ADAM15: variants seen among roughly 807,000 people sequenced by gnomAD.
ADAM15 encodes the protein disintegrin and metalloproteinase domain-containing protein 15.
Under a neutral mutation model 113.8 loss-of-function variants are expected in ADAM15, and 77 were observed. That is an observed-to-expected ratio of 0.68 (90% CI 0.56 to 0.82). The LOEUF (loss-of-function observed/expected upper bound fraction) is 0.82, where lower values mean the gene tolerates loss of function less well. ADAM15 is among the 40% of genes least tolerant of loss of function. The pLI, the probability that ADAM15 is intolerant of heterozygous loss-of-function variation, is 0.00. For missense variants in ADAM15, 963 were observed against 1,120.1 expected, an observed-to-expected ratio of 0.86 and a Z score of 2.00; for synonymous variants, 388 against 454.1, an observed-to-expected ratio of 0.85 and a Z score of 1.85.
chr1:155,058,506 C>T lies in ADAM15; in HGVS notation c.1917+65C>T. The T allele has an allele frequency of 6.3e-7, 1 of 1,580,574 alleles. No individual in the cohort carries two copies. The highest frequency in any genetic ancestry group is 8.6e-7 in the Non-Finnish European group (1 of 1,167,710). ...ACATTTGGACCACAATGAACAGAGC[C>T]CAGACTTCACCATTCACCAATGTCA... is the stretch of plus-strand genomic sequence containing the variant. On this transcript the variant is annotated intron_variant, in intron 15 of 22. Coordinates refer to ENST00000356955, the MANE Select transcript of ADAM15 (RefSeq NM_207197.3). This position sits in a 1 kb window ranked among gnomAD's most constrained non-coding sequence, Gnocchi z 4.3.
Position 155,054,301 on chromosome 1 carries a change from T to C in ADAM15, c.420-13T>C, listed in dbSNP as rs2102393193. 1 of 1,582,678 alleles carries C rather than the reference T, an allele frequency of 6.3e-7. No homozygotes were observed. Among genetic ancestry groups the C allele is most frequent in the Non-Finnish European group, 8.6e-7 (1 of 1,166,082 alleles). On this transcript the variant is annotated splice_polypyrimidine_tract_variant and intron_variant, in intron 5 of 22. Coordinates refer to ENST00000356955, the MANE Select transcript of ADAM15 (RefSeq NM_207197.3). ...ATGGAGCTGAAATGTTCTCTGACTT[T>C]CTTTTTTCTTAGAGGCTTGGTGGTC...
Position 155,052,510 on chromosome 1 carries a change from C to A in ADAM15, c.80-161C>A, listed in dbSNP as rs746649043. Reference sequence around the variant, plus strand: ...CCATAAATTAGAGAGACACCCTCTCCTTCCAGTATTCTTCTTTAAGTCTCA... The same window carrying A: ...CCATAAATTAGAGAGACACCCTCTCATTCCAGTATTCTTCTTTAAGTCTCA... On this transcript the variant is annotated intron_variant, in intron 1 of 22. Coordinates refer to ENST00000356955, the MANE Select transcript of ADAM15 (RefSeq NM_207197.3). The A allele has an allele frequency of 1.6e-5, 24 of 1,541,976 alleles. No individual in the cohort carries two copies. The African/African-American group carries it at 3.0e-4, about 19-fold the overall frequency.
At chr1:155,052,564 C>T in intron 1 of ADAM15, 107 bp from the exon 2 acceptor site, 1 of 1,550,996 alleles carries the variant, frequency 6.4e-7, no homozygotes, top group South Asian at 1.2e-5. Context: ...CCTCAGGTAC[C>T]TAAGGGTCTT....
At chr1:155,059,359 A>C (rs147744447) in intron 16 of ADAM15, among the ~76,000 whole-genome samples, 1,885 of 152,134 alleles carry the variant, frequency 0.012, 38 homozygotes, top group African/African-American at 0.043. Flanking sequence ...GAGCCACTGC[A>C]CCCAGCCAAA....
Position 155,058,007 on chromosome 1 carries a change from G to A in ADAM15, c.1573G>A (p.Ala525Thr), listed in dbSNP as rs777464399. 1 of 1,613,750 alleles carries A rather than the reference G, an allele frequency of 6.2e-7. No homozygotes were observed. Among genetic ancestry groups the A allele is most frequent in the Non-Finnish European group, 8.5e-7 (1 of 1,180,040 alleles). The change falls in exon 14 of 23, where the codon GCC becomes ACC. Residue 525 changes from alanine (A) to threonine (T), a missense_variant. Coordinates refer to ENST00000356955, the MANE Select transcript of ADAM15 (RefSeq NM_207197.3). The surrounding 1 kb of genome is among the most constrained non-coding windows in gnomAD (Gnocchi z 4.3). Reference sequence around the variant, plus strand: ...AGCTGTGTGCATGCACGGGCGTTGTGCCTCCTATGCCCAGCAGTGCCAGTC... The same window carrying A: ...AGCTGTGTGCATGCACGGGCGTTGTACCTCCTATGCCCAGCAGTGCCAGTC... ...GQAVCMHGRC[A>T]SYAQQCQSLW...
At chr1:155,052,456 G>T in intron 1 of ADAM15, 1 of 1,507,648 alleles carries the variant, frequency 6.6e-7, no homozygotes, top group Non-Finnish European at 8.9e-7. Flanking sequence ...CTTTCTTGGG[G>T]ACTTGTGAAT....
rs184290327 is a variant in ADAM15, at chr1:155,052,072, G to A, written c.80-599G>A. On this transcript the variant is annotated intron_variant, in intron 1 of 22. Coordinates refer to ENST00000356955, the MANE Select transcript of ADAM15 (RefSeq NM_207197.3). The stretch of plus-strand genomic sequence containing the variant: ...TCACTTCCCGCTGCTGTCTTGGGCC[G>A]GGACCGAGAGGGCAGGCGCGGGTGG... 5.8e-3 allele frequency: 979 copies of A among 168,402 alleles called. 8 individuals carry two copies. The highest frequency in any genetic ancestry group is 0.022 in the African/African-American group (923 of 41,850). 10.4% of individuals were successfully genotyped at this position (168,402 alleles called of 1,614,324 possible). A position where few individuals can be genotyped will look rare whatever the true frequency, so the allele number is the denominator to read the frequency against.
chr1:155,051,454 T>C lies in ADAM15; in HGVS notation c.68T>C (p.Leu23Pro). The stretch of plus-strand genomic sequence containing the variant: ...GGCAGCCCTCTGCCTTCCTGGCCGC[T>C]CCCAAATATAGGTGAGTCCTCCGCC... ...GAGSPLPSWP[L>P]PNIGGTEEQQ... is the part of the protein sequence containing the mutation. The change falls in exon 1 of 23, where the codon CTC becomes CCC. Residue 23 changes from leucine (L) to proline (P), a missense_variant. Transcript: ENST00000356955. The C allele has an allele frequency of 6.4e-7, 1 of 1,566,872 alleles. No homozygotes were observed.
In ADAM15 at chr1:155,062,379, G is replaced by A. The variant is rs1237813679; in HGVS notation, c.2549+10G>A. On this transcript the variant is annotated intron_variant, in intron 22 of 22. Transcript: ENST00000356955. This position sits in a 1 kb window ranked among gnomAD's most constrained non-coding sequence, Gnocchi z 7.0. ...TAGTGGTACCCTCCAGGTAGGAGGA[G>A]CCCTGGGCATGGGTGGGCGGGGCGA... 1 of 1,604,078 alleles carries A rather than the reference G, an allele frequency of 6.2e-7. No homozygotes were observed.
chr1:155,055,674 G>C, intron 6 of ADAM15, 116 bp from the exon 7 acceptor site: 1 of 1,134,228 alleles, frequency 8.8e-7, no homozygotes, highest in Non-Finnish European at 1.3e-6. Flanking sequence ...TGTAAAATGG[G>C]CTCTTCACCC....
chr1:155,051,542 TG>T, intron 1 of ADAM15, 77 bp downstream of exon 1: 2 of 1,342,760 alleles, frequency 1.5e-6, no homozygotes, highest in South Asian at 2.9e-5. Flanking sequence ...ATTAGGGTAA[TG>T]GGGCCGGACG....
intron 17 of ADAM15, 63 bp downstream of exon 17, chr1:155,060,037 C>T: frequency 1.9e-6 from 3 of 1,597,490 alleles, no homozygotes; most frequent in South Asian, 2.2e-5. Context: ...TTTATCTTGC[C>T]CCCTCGGCCC....
chr1:155,062,637 T>A lies in ADAM15; in HGVS notation c.*135T>A. ...TAAGACTCCGGGCACCGCCACGCGC[T>A]GTCAAGCAACACTCTGCGGACCTGC... On this transcript the variant is annotated 3_prime_UTR_variant, in exon 23 of 23. Transcript: ENST00000356955. This position sits in a 1 kb window ranked among gnomAD's most constrained non-coding sequence, Gnocchi z 7.0. 1 of 1,264,390 alleles carries A rather than the reference T, an allele frequency of 7.9e-7. No individual in the cohort carries two copies. The highest frequency in any genetic ancestry group is 1.1e-6 in the Non-Finnish European group (1 of 913,532). 78.3% of individuals were successfully genotyped at this position (1,264,390 alleles called of 1,614,324 possible). A position where few individuals can be genotyped will look rare whatever the true frequency, so the allele number is the denominator to read the frequency against.
At chr1:155,061,140 A>C (rs1662537725) in intron 19 of ADAM15, 2 of 578,890 alleles carry the variant, frequency 3.5e-6, no homozygotes, top group Non-Finnish European at 6.2e-6. Context: ...GCACAAGGGC[A>C]GTGGTGCTCA....
At position 155,057,228 on chromosome 1, in the gene ADAM15, G is replaced by A. The variant is rs971847202; in HGVS notation, c.1189G>A (p.Ala397Thr). Residue 397 changes from alanine (A) to threonine (T), a missense_variant, in exon 12 of 23, where the codon GCC becomes ACC. Coordinates refer to ENST00000356955, the MANE Select transcript of ADAM15 (RefSeq NM_207197.3). The surrounding 1 kb of genome is among the most constrained non-coding windows in gnomAD (Gnocchi z 5.0). ...GAACTTCAGCAACTGCAGCCGACGG[G>A]CCCTGGAGAAAGCCCTCCTGGATGG... ...GLNFSNCSRRALEKALLDGMG... is the reference protein window; with the variant it reads ...GLNFSNCSRRTLEKALLDGMG... The A allele has an allele frequency of 1.2e-6, 2 of 1,614,128 alleles. No homozygotes were observed. Among genetic ancestry groups the A allele is most frequent in the Admixed American group, 1.7e-5 (1 of 60,022 alleles).
rs1042929679 is a variant in ADAM15 at position 155,057,163 on chromosome 1, C to T, written c.1149-25C>T. On this transcript the variant is annotated intron_variant, in intron 11 of 22. Coordinates refer to ENST00000356955, the MANE Select transcript of ADAM15 (RefSeq NM_207197.3). This position sits in a 1 kb window ranked among gnomAD's most constrained non-coding sequence, Gnocchi z 5.0. ...GGGGGCAGGGAGAGGCCCCCAGCCCCAACCTTCCTTGCCACCCTCCCCAGC... is the reference window on the plus strand; with the variant it reads ...GGGGGCAGGGAGAGGCCCCCAGCCCTAACCTTCCTTGCCACCCTCCCCAGC... The T allele has an allele frequency of 3.7e-6, 6 of 1,602,850 alleles. No homozygotes were observed. The highest frequency in any genetic ancestry group is 5.1e-6 in the Non-Finnish European group (6 of 1,172,116).
rs763696726 is a variant in ADAM15 at position 155,058,343 on chromosome 1, G to A, written c.1819G>A (p.Gly607Arg). ...ACTCTGGGAGACAATAGATGTGAATGGGACTGAGCTGAACTGCAGCTGGGT... is the reference window on the plus strand; with the variant it reads ...ACTCTGGGAGACAATAGATGTGAATAGGACTGAGCTGAACTGCAGCTGGGT... Reference protein sequence around the residue: ...DLLWETIDVNGTELNCSWVHL... With the variant: ...DLLWETIDVNRTELNCSWVHL... Residue 607 changes from glycine to arginine, a missense_variant, in exon 15 of 23, where the codon GGG (glycine) becomes AGG (arginine). Transcript: ENST00000356955. This position sits in a 1 kb window ranked among gnomAD's most constrained non-coding sequence, Gnocchi z 4.3. The A allele has an allele frequency of 3.7e-6, 6 of 1,614,068 alleles. No homozygotes were observed. The South Asian group carries it at 6.6e-5, about 18-fold the overall frequency.
intron 6 of ADAM15, chr1:155,055,475 C>CGTATCA: frequency 2.7e-6 from 1 of 366,140 alleles, no homozygotes; most frequent in South Asian, 2.4e-5. Context: ...ATCCACCCGC[C>CGTATCA]TTGTCCTCCC....
chr1:155,054,650 G>A, intron 6 of ADAM15, 144 bp downstream of exon 6: 1 of 818,130 alleles, frequency 1.2e-6, no homozygotes, highest in Non-Finnish European at 1.8e-6. Flanking sequence ...ATTAGCTCGT[G>A]TACTCCTCCC....
Sources: allele counts gnomAD v4.1 joint callset (sites outside exome capture counted in the v4.1 genomes callset), GRCh38; gene constraint gnomAD v4.1.1; non-coding constraint Gnocchi (gnomAD v3.1); transcripts MANE v1.5; gene names NCBI Gene and HGNC (gene_info 2026-07-23, HGNC 2026-07-21).